ZNF43: variants seen among roughly 807,000 people sequenced by gnomAD.
ZNF43 encodes zinc finger protein 39-like 1 (KOX 27).
Under a neutral mutation model 68.4 loss-of-function variants are expected in ZNF43, and 44 were observed. That is an observed-to-expected ratio of 0.64 (90% CI 0.51 to 0.83). The LOEUF is 0.83. ZNF43 is among the 40% of genes least tolerant of loss of function. ZNF43 has a pLI of 0.00. For synonymous variants in ZNF43, 308 were observed against 307.8 expected, an observed-to-expected ratio of 1.00 and a Z score of -0.01; for missense variants, 896 against 933.2, an observed-to-expected ratio of 0.96 and a Z score of 0.52.
At chr19:21,818,010 C>T (rs374789685) in intron 2 of ZNF43, 24 bp from the exon 3 acceptor site, 115 of 1,596,508 alleles carry the variant, frequency 7.2e-5, no homozygotes, top group East Asian at 1.6e-4. Flanking sequence ...AAATAAATTA[C>T]GTGAATCTTG....
rs74174041 is a variant in ZNF43, at chr19:21,806,169, C to CTTTTTTTTTTTTTTTTTTTTTTTTTTTT, written c.*1437_*1438insAAAAAAAAAAAAAAAAAAAAAAAAAAAA. 7.9e-6 allele frequency: 1 copy of CTTTTTTTTTTTTTTTTTTTTTTTTTTTT among 126,122 alleles called. No individual in the cohort carries two copies. Among genetic ancestry groups the CTTTTTTTTTTTTTTTTTTTTTTTTTTTT allele is most frequent in the African/African-American group, 2.9e-5 (1 of 35,062 alleles). 7.8% of individuals were successfully genotyped at this position (126,122 alleles called of 1,614,324 possible). On this transcript the variant is annotated 3_prime_UTR_variant, in exon 4 of 4. Coordinates refer to ENST00000354959, the MANE Select transcript of ZNF43 (RefSeq NM_003423.4). ...CTCCAGTTACATTTTCATCACGCAT[C>CTTTTTTTTTTTTTTTTTTTTTTTTTTTT]TTTTTTTTTTTTTTTTTTCTTTTTG...
At chr19:21,846,523 T>C (rs1374751473) in intron 1 of ZNF43, among the ~76,000 whole-genome samples, 1 of 152,176 alleles carries the variant, frequency 6.6e-6, no homozygotes, top group African/African-American at 2.4e-5. Context: ...TGTGTTAAAA[T>C]GTTTTCTGTA....
At chr19:21,817,485 T>C (rs974834128) in intron 3 of ZNF43, among the ~76,000 whole-genome samples, 2 of 152,086 alleles carry the variant, frequency 1.3e-5, no homozygotes, top group Non-Finnish European at 2.9e-5. Context: ...AGAAATCCAA[T>C]GGAACAGAAA....
At chr19:21,829,454 C>A (rs1014951390) in intron 1 of ZNF43, among the ~76,000 whole-genome samples, 1 of 152,008 alleles carries the variant, frequency 6.6e-6, no homozygotes, top group African/African-American at 2.4e-5. Flanking sequence ...CTTCTGTGTG[C>A]TCTTAAAATG....
At position 21,808,259 on chromosome 19, in the gene ZNF43, A is replaced by C. The variant is rs878968141; in HGVS notation, c.1778T>G (p.Phe593Cys). The C allele has an allele frequency of 6.3e-7, 1 of 1,576,242 alleles. No individual in the cohort carries two copies. The highest frequency in any genetic ancestry group is 1.5e-5 in the African/African-American group (1 of 65,542). The change falls in exon 4 of 4, where the codon TTC becomes TGC. Residue 593 changes from phenylalanine (F) to cysteine (C), a missense_variant. Phe to Cys is a radical substitution (Grantham distance 205). Transcript: ENST00000354959. ...THKKIHTGEK[F>C]YKCEECGKAF... ...TTTGCCACATTCTTCACATTTGTAG[A>C]ATTTCTCTCCAGTATGAATTTTCTT...
intron 1 of ZNF43, among the ~76,000 whole-genome samples, chr19:21,824,732 T>TAAAAAAAAAAAAAAAAAAAAAAAAA (rs34739856): frequency 9.3e-6 from 1 of 107,246 alleles, no homozygotes; most frequent in Non-Finnish European, 2.0e-5. Flanking sequence ...TATGTTTACC[T>TAAAAAAAAAAAAAAAAAAAAAAAAA]AAAAAAAAAA....
rs373176740 is a variant in ZNF43 at position 21,809,779 on chromosome 19, A to G, written c.258T>C (p.Phe86=). The change falls in exon 4 of 4, where the codon TTT becomes TTC. Residue 86 remains phenylalanine (F), a synonymous_variant. Transcript: ENST00000354959. ...PVMCSHFTQD[F]WPEQHIKDPF... ...GATCTTTTATATGCTGCTCTGGCCA[A>G]AAGTCTTGGGTAAAATGAGAACACA... The G allele has an allele frequency of 3.2e-6, 5 of 1,577,162 alleles. No homozygotes were observed. In the African/African-American group the frequency reaches 4.1e-5, roughly 13 times the overall value.
At chr19:21,810,788 T>C (rs2037236185) in intron 3 of ZNF43, among the ~76,000 whole-genome samples, 1 of 151,206 alleles carries the variant, frequency 6.6e-6, no homozygotes, top group Admixed American at 6.6e-5. Context: ...TCTCTACAAA[T>C]AATAATAAAA....
intron 1 of ZNF43, among the ~76,000 whole-genome samples, chr19:21,842,439 T>C (rs1967610876): frequency 7.0e-6 from 1 of 143,046 alleles, no homozygotes; most frequent in Middle Eastern, 3.7e-3. Context: ...AATAAAAAAA[T>C]CACAATCCCG....
In ZNF43 at chr19:21,807,337, A is replaced by G; in HGVS notation, c.*270T>C. On this transcript the variant is annotated 3_prime_UTR_variant, in exon 4 of 4. Transcript: ENST00000354959. ...TCTTTTGACACTAGTTGCATCTATA[A>G]TGGTTTTATTAAGTACAGACTCTCT... is the stretch of plus-strand genomic sequence containing the variant. The G allele has an allele frequency of 3.8e-6, 1 of 264,918 alleles. No homozygotes were observed. Among genetic ancestry groups the G allele is most frequent in the Non-Finnish European group, 7.1e-6 (1 of 141,060 alleles). The allele number at this position is 264,918 out of a possible 1,614,324, so 16.4% of individuals were successfully genotyped here. A position where few individuals can be genotyped will look rare whatever the true frequency, so the allele number is the denominator to read the frequency against.
chr19:21,820,070 A>G (rs970882808), intron 1 of ZNF43, among the ~76,000 whole-genome samples: 3 of 151,636 alleles, frequency 2.0e-5, no homozygotes, highest in Non-Finnish European at 2.9e-5. Context: ...GTGGTAGCAC[A>G]TGCCTGTAGT....
intron 2 of ZNF43, among the ~76,000 whole-genome samples, chr19:21,818,302 C>T (rs991986528): frequency 6.6e-6 from 1 of 152,028 alleles, no homozygotes. Context: ...AGGGTTTTGC[C>T]ATGTTGGTCA....
chr19:21,817,734 C>T (rs1599469751), intron 3 of ZNF43, among the ~76,000 whole-genome samples, 154 bp downstream of exon 3: 2 of 152,106 alleles, frequency 1.3e-5, no homozygotes, highest in African/African-American at 4.8e-5. Flanking sequence ...ACAGAAGATA[C>T]CCTTGTGTGA....
In ZNF43 at chr19:21,808,354, A is replaced by G. The variant is rs747368038; in HGVS notation, c.1683T>C (p.Thr561=). Residue 561 remains threonine, a synonymous_variant, in exon 4 of 4, where the codon ACT becomes ACC. Transcript: ENST00000354959. ...SILTKHKRIH[T]GEKPYKCEEC... is the part of the protein sequence containing the mutation. ...CTTCACACTTGTAGGGTTTCTCTCCAGTATGAATCCTCTTATGTTTGGTAA... is the reference window on the plus strand; with the variant it reads ...CTTCACACTTGTAGGGTTTCTCTCCGGTATGAATCCTCTTATGTTTGGTAA... 3.7e-6 allele frequency: 6 copies of G among 1,612,952 alleles called. No individual in the cohort carries two copies. The highest frequency in any genetic ancestry group is 5.1e-6 in the Non-Finnish European group (6 of 1,179,716).
rs550489109 is a variant in ZNF43 at position 21,809,425 on chromosome 19, A to C, written c.612T>G (p.Cys204Trp). The C allele has an allele frequency of 3.7e-6, 6 of 1,613,536 alleles. No homozygotes were observed. The highest frequency in any genetic ancestry group is 1.7e-5 in the Admixed American group (1 of 59,906). ...IIHTRVNFCK[C>W]EKCGKAFNCP... The stretch of plus-strand genomic sequence containing the variant: ...AGTTAAAAGCTTTTCCACATTTTTC[A>C]CATTTGCAGAAATTCACTCTGGTAT... The change falls in exon 4 of 4, where the codon TGT (cysteine) becomes TGG (tryptophan). Residue 204 changes from cysteine (C) to tryptophan (W), a missense_variant. Transcript: ENST00000354959.
At position 21,809,626 on chromosome 19, in the gene ZNF43, A is replaced by C. The variant is rs766270215; in HGVS notation, c.411T>G (p.Cys137Trp). 6.2e-7 allele frequency: 1 copy of C among 1,611,880 alleles called. No homozygotes were observed. The highest frequency in any genetic ancestry group is 1.3e-5 in the African/African-American group (1 of 74,678). Residue 137 changes from cysteine (C) to tryptophan (W), a missense_variant, in exon 4 of 4, where the codon TGT (cysteine) becomes TGG (tryptophan). Physicochemically the swap from Cys to Trp is radical, Grantham distance 215 (BLOSUM62 -2). Coordinates refer to ENST00000354959, the MANE Select transcript of ZNF43 (RefSeq NM_003423.4). The stretch of plus-strand genomic sequence containing the variant: ...ATATTTTGCTCTGGGTAGCTGGCAA[A>C]CATTGGTTAAATCCATTATAACCTC... Reference protein sequence around the residue: ...HRGGYNGFNQCLPATQSKIFL... With the variant: ...HRGGYNGFNQWLPATQSKIFL...
Position 21,809,681 on chromosome 19 carries a change from T to C in ZNF43, c.356A>G (p.Lys119Arg). Residue 119 changes from lysine to arginine, a missense_variant, in exon 4 of 4, where the codon AAA becomes AGA. Lys to Arg is a conservative substitution (Grantham distance 26, BLOSUM62 2). Transcript: ENST00000354959. Reference protein sequence around the residue: ...HKNVHLKKDHKSVDECKVHRG... With the variant: ...HKNVHLKKDHRSVDECKVHRG... ...GTGCACCTTACACTCATCCACACTT[T>C]TATGGTCTTTTTTTAAATGTACATT... 1 of 1,613,492 alleles carries C rather than the reference T, an allele frequency of 6.2e-7. No individual in the cohort carries two copies.
At chr19:21,813,542 T>A (rs147476528) in intron 3 of ZNF43, among the ~76,000 whole-genome samples, 1 of 152,280 alleles carries the variant, frequency 6.6e-6, no homozygotes, top group East Asian at 1.9e-4. Context: ...TTATGTCACC[T>A]GAAATTAGCA....
rs1310761266 is a variant in ZNF43 at position 21,844,921 on chromosome 19, A to AAAAAAT, written c.30+6983_30+6984insATTTTT. ...CAAAAAAAAAAAAAAAAAAAAAAAA[A>AAAAAAT]ATATATATATATATATATATATATA... is the stretch of plus-strand genomic sequence containing the variant. On this transcript the variant is annotated intron_variant, in intron 1 of 3. Coordinates refer to the ZNF43 transcript ENST00000357491. 1.4e-3 allele frequency among the ~76,000 whole-genome samples: 37 copies of AAAAAAT among 26,050 alleles called. 1 individual carries two copies. The highest frequency in any genetic ancestry group is 5.4e-3 in the African/African-American group (25 of 4,598). The allele number at this position is 26,050 out of a possible 152,430, so 17.1% of individuals were successfully genotyped here.
Sources: allele counts gnomAD v4.1 joint callset (sites outside exome capture counted in the v4.1 genomes callset), GRCh38; gene constraint gnomAD v4.1.1; transcripts MANE v1.5; gene names NCBI Gene and HGNC (gene_info 2026-07-23, HGNC 2026-07-21).